Variants in PPARGC1B observed in about 807,000 individuals in gnomAD.
PPARGC1B encodes the protein peroxisome proliferator-activated receptor gamma coactivator 1-beta.
A neutral mutation model predicts 101.6 loss-of-function variants in PPARGC1B; 34 were observed. That is an observed-to-expected ratio of 0.33 (90% CI 0.25 to 0.45). The LOEUF (loss-of-function observed/expected upper bound fraction) is 0.45, where lower values mean the gene tolerates loss of function less well. PPARGC1B is among the 20% of genes least tolerant of loss of function. The pLI is 1.00. For synonymous variants in PPARGC1B, 548 were observed against 539.3 expected, an observed-to-expected ratio of 1.02 and a Z score of -0.22; for missense variants, 1,234 against 1,317.6, an observed-to-expected ratio of 0.94 and a Z score of 0.98.
intron 9 of PPARGC1B, among the ~76,000 whole-genome samples, chr5:149,841,682 C>T (rs1001279619): frequency 6.6e-6 from 1 of 152,188 alleles, no homozygotes; most frequent in Non-Finnish European, 1.5e-5. Context: ...AGGGGAGTTC[C>T]AGTCTGGACT....
Position 149,730,853 on chromosome 5 carries a change from C to G in PPARGC1B, c.78+433C>G. Among the ~76,000 whole-genome samples the G allele has an allele frequency of 6.6e-6, 1 of 152,226 alleles. No homozygotes were observed. The highest frequency in any genetic ancestry group is 1.5e-5 in the Non-Finnish European group (1 of 68,038). ...CCCCGGCACGGGTGCATGCCCGGGT[C>G]TCCGGAGTCCCCTAGTCCTCCAGGC... On this transcript the variant is annotated intron_variant, in intron 1 of 11. Coordinates refer to ENST00000309241, the MANE Select transcript of PPARGC1B (RefSeq NM_133263.4). This position sits in a 1 kb window ranked among gnomAD's most constrained non-coding sequence, Gnocchi z 4.0.
In PPARGC1B at chr5:149,826,899, T is replaced by A. The variant is rs1242666022; in HGVS notation, c.465+14T>A. 1.3e-6 allele frequency: 2 copies of A among 1,586,140 alleles called. No homozygotes were observed. The highest frequency in any genetic ancestry group is 1.7e-6 in the Non-Finnish European group (2 of 1,159,332). On this transcript the variant is annotated intron_variant, in intron 3 of 11. Transcript: ENST00000309241. ...GAGCTCTCACTGGTAAGAACCTACT[T>A]ACAGCAGAAGTGATGGTTGCAGCCT...
chr5:149,856,042 GGGAGGC>G (rs1275947343), downstream of PPARGC1B, among the ~76,000 whole-genome samples: 1 of 152,108 alleles, frequency 6.6e-6, no homozygotes, highest in Non-Finnish European at 1.5e-5. Context: ...GCTTGAACCC[GGGAGGC>G]GGAGGTTGCA....
intron 3 of PPARGC1B, among the ~76,000 whole-genome samples, chr5:149,830,420 C>T (rs1189266378): frequency 6.6e-6 from 1 of 151,998 alleles, no homozygotes. Context: ...TGTGTGTGCA[C>T]TCAGAATGTC....
intron 1 of PPARGC1B, among the ~76,000 whole-genome samples, chr5:149,736,674 T>A (rs1017047443): frequency 2.6e-5 from 4 of 152,230 alleles, no homozygotes; most frequent in African/African-American, 9.6e-5. Flanking sequence ...TTAGCCCAGA[T>A]GGCAGATCAG....
intron 8 of PPARGC1B, among the ~76,000 whole-genome samples, chr5:149,839,170 C>G (rs914390269): frequency 6.6e-6 from 1 of 152,314 alleles, no homozygotes; most frequent in South Asian, 2.1e-4. Context: ...AGTTCCTGGG[C>G]TAAGCATTGA....
intron 2 of PPARGC1B, among the ~76,000 whole-genome samples, chr5:149,823,376 A>G (rs1304324227): frequency 6.6e-6 from 1 of 152,062 alleles, no homozygotes; most frequent in Non-Finnish European, 1.5e-5. Flanking sequence ...AGCCCCATGG[A>G]TAGTAGCGAT....
chr5:149,784,277 C>T (rs1756702863), intron 1 of PPARGC1B, among the ~76,000 whole-genome samples: 1 of 152,018 alleles, frequency 6.6e-6, no homozygotes, highest in Non-Finnish European at 1.5e-5. Flanking sequence ...CCCTCCTTCC[C>T]TTCATTTTAC....
At chr5:149,734,576 G>A (rs375235442) in intron 1 of PPARGC1B, among the ~76,000 whole-genome samples, 1 of 151,586 alleles carries the variant, frequency 6.6e-6, no homozygotes, top group Non-Finnish European at 1.5e-5. Context: ...TTTTGCTATT[G>A]TAAGCAATGC....
At chr5:149,768,768 G>A (rs898073638) in intron 1 of PPARGC1B, among the ~76,000 whole-genome samples, 2 of 150,874 alleles carry the variant, frequency 1.3e-5, no homozygotes, top group Non-Finnish European at 3.0e-5. Flanking sequence ...CACCCACCTC[G>A]GCCTCCCAAA....
chr5:149,773,554 T>C (rs147061137), intron 1 of PPARGC1B, among the ~76,000 whole-genome samples: 1 of 152,012 alleles, frequency 6.6e-6, no homozygotes, highest in East Asian at 1.9e-4. Context: ...CCCAGGTCCC[T>C]CCTCACAAAA....
chr5:149,827,008 T>C, intron 3 of PPARGC1B, 123 bp downstream of exon 3: 1 of 784,030 alleles, frequency 1.3e-6, no homozygotes, highest in Admixed American at 2.6e-5. Context: ...ACTGGCAATA[T>C]TGATCACAGC....
At chr5:149,774,416 A>G (rs1458606477) in intron 1 of PPARGC1B, among the ~76,000 whole-genome samples, 2 of 152,130 alleles carry the variant, frequency 1.3e-5, no homozygotes, top group African/African-American at 4.8e-5. Flanking sequence ...GGTAAGGCAT[A>G]TAGCATTTAG....
At chr5:149,797,565 T>G (rs900617378) in intron 1 of PPARGC1B, among the ~76,000 whole-genome samples, 1 of 152,248 alleles carries the variant, frequency 6.6e-6, no homozygotes, top group Non-Finnish European at 1.5e-5. Flanking sequence ...TTTTTATTAT[T>G]TTGTAAATAT....
chr5:149,784,150 T>C (rs567974803), intron 1 of PPARGC1B, among the ~76,000 whole-genome samples: 1 of 152,156 alleles, frequency 6.6e-6, no homozygotes, highest in Admixed American at 6.5e-5. Context: ...CTTGGGTTGC[T>C]ATAGTCCTCA....
chr5:149,806,279 C>G (rs2113306010), intron 1 of PPARGC1B, among the ~76,000 whole-genome samples: 1 of 152,340 alleles, frequency 6.6e-6, no homozygotes, highest in South Asian at 2.1e-4. Flanking sequence ...AGCAAGGCGG[C>G]AGTCAGCTCC....
rs1561529623 is a variant in PPARGC1B at position 149,779,628 on chromosome 5, G to T, written c.79-40805G>T. 2.0e-5 allele frequency among the ~76,000 whole-genome samples: 3 copies of T among 152,304 alleles called. No individual in the cohort carries two copies. The South Asian group carries it at 6.2e-4, about 32-fold the overall frequency. ...AAGTCCAGGGAGGGAGGAAATAATG[G>T]GAGTCAGCTGGAGGGGGCAACAGGG... On this transcript the variant is annotated intron_variant, in intron 1 of 11. Coordinates refer to ENST00000309241, the MANE Select transcript of PPARGC1B (RefSeq NM_133263.4).
chr5:149,789,182 G>A (rs1756919744), intron 1 of PPARGC1B, among the ~76,000 whole-genome samples: 1 of 152,226 alleles, frequency 6.6e-6, no homozygotes, highest in Non-Finnish European at 1.5e-5. Context: ...CAGATATTAG[G>A]ACATTGAAAG....
intron 1 of PPARGC1B, among the ~76,000 whole-genome samples, chr5:149,784,560 CTTTTTTTTTT>C (rs72364863): frequency 4.0e-5 from 3 of 75,704 alleles, no homozygotes; most frequent in Non-Finnish European, 7.1e-5. Context: ...AACTGAGTTT[CTTTTTTTTTT>C]TTTTTTTTTT....
Sources: gnomAD v4.1 joint callset for allele counts (sites outside exome capture counted in the v4.1 genomes callset) on GRCh38, gnomAD v4.1.1 for gene constraint, Gnocchi (gnomAD v3.1) non-coding constraint, MANE v1.5 for transcripts, NCBI Gene and HGNC (gene_info 2026-07-23, HGNC 2026-07-21) for gene names.